Variants in LRP11 observed in about 807,000 individuals in gnomAD.
LRP11 encodes the protein low-density lipoprotein receptor-related protein 11.
A neutral mutation model predicts 43.1 loss-of-function variants in LRP11; 25 were observed. The observed-to-expected ratio is 0.58, with a 90% CI of 0.42 to 0.81. The LOEUF (loss-of-function observed/expected upper bound fraction) is 0.81, where lower values mean the gene tolerates loss of function less well. LRP11 is among the 30% of genes least tolerant of loss of function. The pLI, the probability that LRP11 is intolerant of heterozygous loss-of-function variation, is 0.00. For synonymous variants in LRP11, 316 were observed against 299.4 expected, an observed-to-expected ratio of 1.06 and a Z score of -0.57; for missense variants, 623 against 665.1, an observed-to-expected ratio of 0.94 and a Z score of 0.70.
intron 3 of LRP11, chr6:149,842,774 T>TTCC: frequency 7.5e-7 from 1 of 1,331,754 alleles, no homozygotes; most frequent in South Asian, 1.3e-5. Context: ...CCTGGAGTGC[T>TTCC]TCCTCCACCC....
At position 149,863,753 on chromosome 6, in the gene LRP11, G is replaced by A. The variant is rs1341705259; in HGVS notation, c.268C>T (p.Pro90Ser). ...RAGGGPQEDC[P>S]GPGSGGYSAM... ...CTGTAGCCGCCGCTGCCCGGGCCCG[G>A]GCAGTCCTCCTGGGGGCCGCCGCCC... The change falls in exon 1 of 7, where the codon CCG (proline) becomes TCG (serine). Residue 90 changes from proline to serine, a missense_variant. Transcript: ENST00000239367. 5 of 1,480,182 alleles carry A rather than the reference G, an allele frequency of 3.4e-6. No individual in the cohort carries two copies. Among genetic ancestry groups the A allele is most frequent in the Non-Finnish European group, 4.5e-6 (5 of 1,122,240 alleles). The allele number at this position is 1,480,182 out of a possible 1,614,324, so 91.7% of individuals were successfully genotyped here.
chr6:149,863,385 C>A (rs745664321), intron 1 of LRP11, 23 bp downstream of exon 1: 1 of 1,332,492 alleles, frequency 7.5e-7, no homozygotes, highest in South Asian at 2.4e-5. Context: ...TGGCCAAGGC[C>A]GGCCCCTCAG....
chr6:149,827,802 A>G lies in LRP11; in HGVS notation c.1253-1443T>C, dbSNP rs76016124. ...AGGTAGTTCTATAAGATTGTATTACATAAGGGCCGCACGCAGTGGCTCATG... is the reference window on the plus strand; with the variant it reads ...AGGTAGTTCTATAAGATTGTATTACGTAAGGGCCGCACGCAGTGGCTCATG... On this transcript the variant is annotated intron_variant, in intron 5 of 6. Transcript: ENST00000239367. The surrounding 1 kb of genome is among the most constrained non-coding windows in gnomAD (Gnocchi z 4.2). Among the ~76,000 whole-genome samples, 2 of 152,346 alleles carry G rather than the reference A, an allele frequency of 1.3e-5. No homozygotes were observed. The highest frequency in any genetic ancestry group is 2.9e-5 in the Non-Finnish European group (2 of 68,024).
At chr6:149,821,735 G>C (rs1301798798) in intron 6 of LRP11, among the ~76,000 whole-genome samples, 2 of 152,164 alleles carry the variant, frequency 1.3e-5, no homozygotes, top group Non-Finnish European at 2.9e-5. Context: ...AGATTATATG[G>C]TGGAACTGTT....
At chr6:149,836,549 A>G (rs995408873) in intron 4 of LRP11, among the ~76,000 whole-genome samples, 1 of 152,202 alleles carries the variant, frequency 6.6e-6, no homozygotes, top group African/African-American at 2.4e-5. Context: ...ACGGTGGCTC[A>G]TGCCTGTAAT....
intron 1 of LRP11, among the ~76,000 whole-genome samples, chr6:149,859,029 C>CT (rs144491729): frequency 0.01 from 1,547 of 151,718 alleles, 32 homozygotes; most frequent in African/African-American, 0.035. Context: ...GAGTAAAACA[C>CT]TTTTTTGCTC....
chr6:149,835,218 ATTC>A (rs1263054503), intron 5 of LRP11, among the ~76,000 whole-genome samples: 1 of 152,202 alleles, frequency 6.6e-6, no homozygotes, highest in African/African-American at 2.4e-5. Context: ...GCCTCAAGCA[ATTC>A]TTCTGCCTCA....
rs1316803602 is a variant in LRP11 at position 149,819,738 on chromosome 6, C to A, written c.*811G>T. On this transcript the variant is annotated 3_prime_UTR_variant, in exon 7 of 7. Transcript: ENST00000239367. ...GAGTTGCTGTGCTCTCACCATGGAG[C>A]AGTGTTGATTTGATGTAATGAAGTA... 1 of 152,128 alleles carries A rather than the reference C, an allele frequency of 6.6e-6. No homozygotes were observed. The highest frequency in any genetic ancestry group is 1.5e-5 in the Non-Finnish European group (1 of 68,022). 9.4% of individuals were successfully genotyped at this position (152,128 alleles called of 1,614,324 possible). A position where few individuals can be genotyped will look rare whatever the true frequency, so the allele number is the denominator to read the frequency against.
chr6:149,847,970 T>C (rs1370344640), intron 2 of LRP11, among the ~76,000 whole-genome samples: 1 of 152,140 alleles, frequency 6.6e-6, no homozygotes, highest in Non-Finnish European at 1.5e-5. Flanking sequence ...TTAGTTTTAA[T>C]TTAATAATGA....
chr6:149,844,826 C>T (rs1776608088), intron 2 of LRP11, among the ~76,000 whole-genome samples: 1 of 152,192 alleles, frequency 6.6e-6, no homozygotes, highest in Non-Finnish European at 1.5e-5. Flanking sequence ...TACATATACA[C>T]ACCCATAGGA....
In LRP11 at chr6:149,843,124, C is replaced by T. The variant is rs779760735; in HGVS notation, c.772G>A (p.Val258Met). 3.7e-6 allele frequency: 6 copies of T among 1,613,996 alleles called. No homozygotes were observed. The highest frequency in any genetic ancestry group is 4.2e-6 in the Non-Finnish European group (5 of 1,179,998). Residue 258 changes from valine to methionine, a missense_variant and splice_region_variant, in exon 3 of 7, where the codon GTG becomes ATG. By Grantham distance (21) the Val-to-Met change is conservative. Transcript: ENST00000239367. ...LQGDPSVDMK[V>M]PQSGTLKLSH... Reference sequence around the variant, plus strand: ...AGCTTCAGGGTTCCTGATTGAGGCACCTGCCACACAGATGGGACACATCAC... The same window carrying T: ...AGCTTCAGGGTTCCTGATTGAGGCATCTGCCACACAGATGGGACACATCAC...
At chr6:149,842,568 C>G in intron 3 of LRP11, 1 of 1,398,168 alleles carries the variant, frequency 7.2e-7, no homozygotes. Context: ...CCGTCCCCCG[C>G]ACAGCCTCCA....
chr6:149,839,368 T>G (rs1776515745), intron 3 of LRP11, among the ~76,000 whole-genome samples: 1 of 152,102 alleles, frequency 6.6e-6, no homozygotes, highest in Non-Finnish European at 1.5e-5. Context: ...CAGTTATGAC[T>G]GAGAACATGG....
intron 2 of LRP11, among the ~76,000 whole-genome samples, chr6:149,848,993 G>A (rs1776681060): frequency 6.6e-6 from 1 of 152,188 alleles, no homozygotes; most frequent in African/African-American, 2.4e-5. Context: ...TAAGAAATGG[G>A]TCCTCACTAG....
At chr6:149,845,607 G>C (rs1397877335) in intron 2 of LRP11, among the ~76,000 whole-genome samples, 2 of 152,210 alleles carry the variant, frequency 1.3e-5, no homozygotes, top group Admixed American at 1.3e-4. Context: ...GGGCAGCAGA[G>C]AGAGCTCTAA....
chr6:149,842,971 CT>C lies in LRP11; in HGVS notation c.913+11del, dbSNP rs765184154. 1 of 1,614,002 alleles carries C rather than the reference CT, an allele frequency of 6.2e-7. No homozygotes were observed. The highest frequency in any genetic ancestry group is 8.5e-7 in the Non-Finnish European group (1 of 1,179,898). On this transcript the variant is annotated intron_variant, in intron 3 of 6. Transcript: ENST00000239367. ...CAAGCAGTGGGAAGCGAGGGAAGGACTTTCTTCTCACCTCCTGTGGAGTAGG... is the reference window on the plus strand; with the variant it reads ...CAAGCAGTGGGAAGCGAGGGAAGGACTTCTTCTCACCTCCTGTGGAGTAGG...
chr6:149,844,254 A>AG (rs1260771462), intron 2 of LRP11, among the ~76,000 whole-genome samples: 1 of 151,848 alleles, frequency 6.6e-6, no homozygotes, highest in African/African-American at 2.4e-5. Flanking sequence ...CCATCTCAAA[A>AG]AAAAAAAAAA....
At chr6:149,855,888 T>C (rs369678547) in intron 1 of LRP11, among the ~76,000 whole-genome samples, 38 of 152,276 alleles carry the variant, frequency 2.5e-4, no homozygotes, top group African/African-American at 8.7e-4. Context: ...CTTCTGCCTT[T>C]TTCCACCTCT....
Position 149,845,113 on chromosome 6 carries a change from T to C in LRP11, c.772-1989A>G, listed in dbSNP as rs143689824. Among the ~76,000 whole-genome samples the C allele has an allele frequency of 4.0e-4, 61 of 152,356 alleles. 1 individual carries two copies. The highest frequency in any genetic ancestry group is 1.4e-3 in the African/African-American group (59 of 41,572). On this transcript the variant is annotated intron_variant, in intron 2 of 6. Coordinates refer to ENST00000239367, the MANE Select transcript of LRP11 (RefSeq NM_032832.6). The stretch of plus-strand genomic sequence containing the variant: ...CTACCCCGTACCAGCTGGCTGATGA[T>C]GTACAAGTCACTTAACGTCTCCAAA...
Sources: gnomAD v4.1 joint callset for allele counts (sites outside exome capture counted in the v4.1 genomes callset) on GRCh38, gnomAD v4.1.1 for gene constraint, Gnocchi (gnomAD v3.1) non-coding constraint, MANE v1.5 for transcripts, NCBI Gene and HGNC (gene_info 2026-07-23, HGNC 2026-07-21) for gene names.